FARS2: variants seen among roughly 807,000 people sequenced by gnomAD.
The protein encoded by FARS2 is phenylalanine--tRNA ligase, mitochondrial.
Under a neutral mutation model 46.4 loss-of-function variants are expected in FARS2, and 40 were observed. The observed-to-expected ratio is 0.86, with a 90% CI of 0.67 to 1.12. The LOEUF is 1.12. FARS2 is among the 50% of genes most tolerant of loss of function. The pLI is 0.00. For missense variants in FARS2, 513 were observed against 567.9 expected (o/e 0.90, Z 0.98); for synonymous variants, 234 against 214.9 (o/e 1.09, Z -0.78).
intron 1 of FARS2, among the ~76,000 whole-genome samples, chr6:5,322,580 T>G (rs962412839): frequency 1.3e-5 from 2 of 152,204 alleles, no homozygotes; most frequent in Admixed American, 6.5e-5. Flanking sequence ...TTTTTTGGTT[T>G]GTTTCCTTTT....
chr6:5,439,084 G>A (rs1364067823), intron 4 of FARS2, among the ~76,000 whole-genome samples: 2 of 152,158 alleles, frequency 1.3e-5, no homozygotes, highest in East Asian at 1.9e-4. Flanking sequence ...TAGGGGCAGC[G>A]ATTCAGTTCT....
intron 1 of FARS2, among the ~76,000 whole-genome samples, chr6:5,338,307 A>G (rs2127587884): frequency 6.6e-6 from 1 of 152,248 alleles, no homozygotes; most frequent in East Asian, 1.9e-4. Context: ...TCATTTCCTG[A>G]ATTGTGTATT....
At chr6:5,494,254 A>G (rs753953778) in intron 4 of FARS2, among the ~76,000 whole-genome samples, 7 of 151,764 alleles carry the variant, frequency 4.6e-5, no homozygotes, top group East Asian at 1.9e-4. Flanking sequence ...GTAAAATTCT[A>G]TGTTTTAGAA....
intron 6 of FARS2, among the ~76,000 whole-genome samples, chr6:5,629,977 A>T (rs949369428): frequency 1.2e-4 from 18 of 152,158 alleles, no homozygotes; most frequent in Non-Finnish European, 2.9e-5. Flanking sequence ...GCTTTGGTGG[A>T]GAAGATGATT....
chr6:5,292,879 G>A (rs542981054), intron 1 of FARS2, among the ~76,000 whole-genome samples: 8 of 152,198 alleles, frequency 5.3e-5, no homozygotes, highest in Non-Finnish European at 1.0e-4. Flanking sequence ...AGGGATGATG[G>A]AAGATCCTTA....
At chr6:5,693,778 T>C (rs986087496) in intron 6 of FARS2, among the ~76,000 whole-genome samples, 4 of 152,152 alleles carry the variant, frequency 2.6e-5, no homozygotes, top group African/African-American at 9.7e-5. Context: ...TGCTGGGACT[T>C]GCTGGGGTGA....
intron 1 of FARS2, among the ~76,000 whole-genome samples, chr6:5,272,836 T>C (rs1766059656): frequency 6.6e-6 from 1 of 152,212 alleles, no homozygotes; most frequent in African/African-American, 2.4e-5. Context: ...TGGCCTCTGG[T>C]CACCACCAGT....
In FARS2 at chr6:5,447,607, A is replaced by T. The variant is rs538505611; in HGVS notation, c.904+16435A>T. ...TTACCTAAGAAGGCAAAATGTACAA[A>T]TGCTACTCATCATCCCTACCTTATC... On this transcript the variant is annotated intron_variant, in intron 4 of 6. Transcript: ENST00000274680. 2.6e-3 allele frequency among the ~76,000 whole-genome samples: 403 copies of T among 152,322 alleles called. 2 individuals are homozygous for T. Among genetic ancestry groups the T allele is most frequent in the Middle Eastern group, 0.01 (3 of 294 alleles).
intron 5 of FARS2, among the ~76,000 whole-genome samples, chr6:5,545,794 C>T (rs1281898878): frequency 6.6e-6 from 1 of 152,114 alleles, no homozygotes; most frequent in Non-Finnish European, 1.5e-5. Flanking sequence ...TGAACTCATT[C>T]TTTTTTATGG....
In FARS2 at chr6:5,536,310, C is replaced by T. The variant is rs555908378; in HGVS notation, c.905-8870C>T. Among the ~76,000 whole-genome samples, 519 of 152,212 alleles carry T rather than the reference C, an allele frequency of 3.4e-3. 4 individuals are homozygous for T. Among genetic ancestry groups the T allele is most frequent in the African/African-American group, 0.011 (467 of 41,546 alleles). ...CCTCCCAAAGTGCTGGGAATACAGG[C>T]GTGAGCCACCGTGCCTGGCCTAATT... On this transcript the variant is annotated intron_variant, in intron 4 of 6. Transcript: ENST00000274680.
At chr6:5,607,464 AAC>A (rs941023707) in intron 5 of FARS2, among the ~76,000 whole-genome samples, 12 of 152,276 alleles carry the variant, frequency 7.9e-5, no homozygotes, top group Admixed American at 5.2e-4. Context: ...GTTAGCAGAA[AAC>A]ACAAATGAAG....
intron 4 of FARS2, among the ~76,000 whole-genome samples, chr6:5,444,204 CAA>C (rs1199479788): frequency 1.1e-4 from 17 of 151,994 alleles, no homozygotes; most frequent in Middle Eastern, 6.8e-3. Flanking sequence ...TGCAATGGCT[CAA>C]GCCTGTAATC....
At chr6:5,674,650 C>A (rs1340184182) in intron 6 of FARS2, among the ~76,000 whole-genome samples, 2 of 152,120 alleles carry the variant, frequency 1.3e-5, no homozygotes, top group Non-Finnish European at 2.9e-5. Context: ...TGCCTGATTT[C>A]TCTTTGCCTA....
chr6:5,524,988 C>T (rs1359974990), intron 4 of FARS2, among the ~76,000 whole-genome samples: 1 of 152,142 alleles, frequency 6.6e-6, no homozygotes, highest in Non-Finnish European at 1.5e-5. Context: ...CTACTTTCTA[C>T]TAAAGAGCTG....
At chr6:5,413,249 G>A (rs1041618352) in intron 3 of FARS2, among the ~76,000 whole-genome samples, 1 of 152,162 alleles carries the variant, frequency 6.6e-6, no homozygotes, top group Non-Finnish European at 1.5e-5. Context: ...GTTGGGCAGA[G>A]GATAACAGAG....
intron 3 of FARS2, among the ~76,000 whole-genome samples, chr6:5,408,180 T>C (rs115110391): frequency 0.012 from 1,854 of 152,306 alleles, 14 homozygotes; most frequent in Non-Finnish European, 0.018. Flanking sequence ...GCCTTGGATC[T>C]TGAGCTCTCT....
At chr6:5,354,613 A>G (rs1757796841) in intron 1 of FARS2, among the ~76,000 whole-genome samples, 1 of 151,010 alleles carries the variant, frequency 6.6e-6, no homozygotes, top group Admixed American at 6.6e-5. Flanking sequence ...TCCCAGGTTC[A>G]TGCCATTCTC....
chr6:5,368,908 A>G lies in FARS2; in HGVS notation c.338A>G (p.Tyr113Cys). The change falls in exon 2 of 7, where the codon TAC (tyrosine) becomes TGC (cysteine). Residue 113 changes from tyrosine (Y) to cysteine (C), a missense_variant. Transcript: ENST00000274680. Reference protein sequence around the residue: ...GRFGTPLFSVYDNLSPVVTTW... With the variant: ...GRFGTPLFSVCDNLSPVVTTW... ...TTTGGGACCCCGTTGTTCTCGGTCTACGACAACCTTTCTCCAGTGGTCACG... is the reference window on the plus strand; with the variant it reads ...TTTGGGACCCCGTTGTTCTCGGTCTGCGACAACCTTTCTCCAGTGGTCACG... 3 of 1,614,140 alleles carry G rather than the reference A, an allele frequency of 1.9e-6. No individual in the cohort carries two copies. The highest frequency in any genetic ancestry group is 1.7e-5 in the Admixed American group (1 of 60,016).
chr6:5,543,538 T>A (rs571547428), intron 4 of FARS2, among the ~76,000 whole-genome samples: 22 of 152,262 alleles, frequency 1.4e-4, no homozygotes, highest in Non-Finnish European at 2.2e-4. Context: ...CTAAATTTTG[T>A]ACTTTTGGTA....
Sources: gnomAD v4.1 joint callset for allele counts (sites outside exome capture counted in the v4.1 genomes callset) on GRCh38, gnomAD v4.1.1 for gene constraint, MANE v1.5 for transcripts, NCBI Gene and HGNC (gene_info 2026-07-23, HGNC 2026-07-21) for gene names.